The following STK36 variants were observed in gnomAD, a reference collection of about 807,000 sequenced individuals.
The protein encoded by STK36 is serine/threonine-protein kinase 36.
In STK36, 116 loss-of-function variants were observed where a neutral mutation model predicts 142.2. That is an observed-to-expected ratio of 0.82 (90% CI 0.70 to 0.95). STK36 has a LOEUF of 0.95. Ranked by LOEUF, STK36 falls within the 40% of genes least tolerant of loss-of-function variation. The pLI, the probability that STK36 is intolerant of heterozygous loss-of-function variation, is 0.00. For synonymous variants in STK36, 619 were observed against 641.7 expected (o/e 0.96, Z 0.53); for missense variants, 1,422 against 1,617.2 (o/e 0.88, Z 2.07).
At position 218,679,643 on chromosome 2, in the gene STK36, C is replaced by G; in HGVS notation, c.862C>G (p.Gln288Glu). 1.2e-6 allele frequency: 2 copies of G among 1,614,210 alleles called. No individual in the cohort carries two copies. Among genetic ancestry groups the G allele is most frequent in the South Asian group, 2.2e-5 (2 of 91,090 alleles). The change falls in exon 8 of 27, where the codon CAG (glutamine) becomes GAG (glutamate). Residue 288 changes from glutamine (Q) to glutamate (E), a missense_variant. By Grantham distance (29) the Gln-to-Glu change is conservative. This residue lies in a region of STK36 where 460 missense variants were observed against 449.6 expected (regional missense o/e 1.02). Transcript: ENST00000295709. ...PPELQVLKDEQAHRLAPKGNQ... is the reference protein window; with the variant it reads ...PPELQVLKDEEAHRLAPKGNQ... ...AGAACTTCAGGTCCTAAAGGACGAA[C>G]AGGCCCATCGGTTGGCCCCCAAGGG... is the stretch of plus-strand genomic sequence containing the variant.
chr2:218,675,520 CTTTTTTTTTTT>C (rs33970984), intron 5 of STK36, 47 bp downstream of exon 5: 8 of 1,148,306 alleles, frequency 7.0e-6, no homozygotes, highest in African/African-American at 4.0e-5. Context: ...CACACGGAAT[CTTTTTTTTTTT>C]TTTTTTTTTT....
chr2:218,675,518 A>ATTT, intron 5 of STK36, 45 bp downstream of exon 5: 1 of 1,481,384 alleles, frequency 6.8e-7, no homozygotes, highest in Non-Finnish European at 9.0e-7. Flanking sequence ...TCCACACGGA[A>ATTT]TCTTTTTTTT....
chr2:218,695,817 A>G (rs1314981029), intron 21 of STK36, among the ~76,000 whole-genome samples: 1 of 142,260 alleles, frequency 7.0e-6, no homozygotes, highest in Non-Finnish European at 1.5e-5. Flanking sequence ...GGATTACAGG[A>G]ATGAGCCACT....
intron 6 of STK36, among the ~76,000 whole-genome samples, chr2:218,676,634 T>TA (rs1171487009): frequency 1.3e-5 from 2 of 149,740 alleles, no homozygotes; most frequent in African/African-American, 4.9e-5. Flanking sequence ...TTTTTTTTTT[T>TA]GAGACACAGT....
chr2:218,676,495 T>C (rs981701125), intron 6 of STK36, among the ~76,000 whole-genome samples: 3 of 151,968 alleles, frequency 2.0e-5, no homozygotes, highest in Non-Finnish European at 4.4e-5. Flanking sequence ...CTCCATAGCC[T>C]GTACAGGAAG....
In STK36 at chr2:218,694,809, C is replaced by T. The variant is rs1941162678; in HGVS notation, c.2511+174C>T. 6.6e-6 allele frequency among the ~76,000 whole-genome samples: 1 copy of T among 152,206 alleles called. No individual in the cohort carries two copies. The highest frequency in any genetic ancestry group is 2.1e-4 in the South Asian group (1 of 4,832). Reference sequence around the variant, plus strand: ...TCGCCGGATGATAGGCCCCTCTGAGCCCAGATTGATCTGGACTTTAGATTT... The same window carrying T: ...TCGCCGGATGATAGGCCCCTCTGAGTCCAGATTGATCTGGACTTTAGATTT... On this transcript the variant is annotated intron_variant, in intron 21 of 26. Transcript: ENST00000295709. This position sits in a 1 kb window ranked among gnomAD's most constrained non-coding sequence, Gnocchi z 4.4.
chr2:218,683,649 T>C (rs1313936394), intron 10 of STK36, among the ~76,000 whole-genome samples: 1 of 152,190 alleles, frequency 6.6e-6, no homozygotes. Context: ...GTTAGTTACA[T>C]ATGTATACAT....
chr2:218,685,028 T>G (rs1940714719), intron 10 of STK36, 57 bp from the exon 11 acceptor site: 1 of 1,602,654 alleles, frequency 6.2e-7, no homozygotes, highest in Admixed American at 1.7e-5. Flanking sequence ...CTGGTTGGGA[T>G]CTACTACCTT....
chr2:218,678,885 CCTT>C (rs1172041641), intron 6 of STK36, among the ~76,000 whole-genome samples: 2 of 152,262 alleles, frequency 1.3e-5, no homozygotes, highest in East Asian at 3.9e-4. Flanking sequence ...GTTTTTTCTC[CCTT>C]CTTTACAAAG....
intron 6 of STK36, among the ~76,000 whole-genome samples, chr2:218,676,619 CTTT>C (rs779049295): frequency 7.9e-6 from 1 of 126,100 alleles, no homozygotes; most frequent in Non-Finnish European, 1.7e-5. Flanking sequence ...GTGCTACACG[CTTT>C]TTTTTTTTTT....
chr2:218,693,388 C>G, intron 17 of STK36, 44 bp downstream of exon 17: 1 of 1,548,630 alleles, frequency 6.5e-7, no homozygotes, highest in Middle Eastern at 1.7e-4. Context: ...TTTTTAACTC[C>G]CAGTGCAGAC....
intron 11 of STK36, among the ~76,000 whole-genome samples, chr2:218,685,774 A>C (rs1940749478): frequency 1.3e-5 from 2 of 152,304 alleles, no homozygotes; most frequent in Admixed American, 6.5e-5. Context: ...GTACTCGCCA[A>C]ACTGTGTTGC....
At chr2:218,675,929 G>A in intron 5 of STK36, 100 bp from the exon 6 acceptor site, 2 of 1,469,726 alleles carry the variant, frequency 1.4e-6, no homozygotes, top group Non-Finnish European at 1.9e-6. Context: ...AATCAAAGGT[G>A]CTCCCTCTGC....
At chr2:218,689,366 C>T (rs1226366058) in intron 12 of STK36, among the ~76,000 whole-genome samples, 2 of 152,162 alleles carry the variant, frequency 1.3e-5, no homozygotes, top group African/African-American at 4.8e-5. Flanking sequence ...CATACACAGT[C>T]ACTAATTTGT....
intron 21 of STK36, among the ~76,000 whole-genome samples, chr2:218,695,966 C>T (rs551317872): frequency 1.4e-5 from 2 of 148,080 alleles, no homozygotes; most frequent in South Asian, 2.1e-4. Context: ...TGGGTTCAAG[C>T]GATTCTCCTG....
At chr2:218,674,757 T>A (rs968412228) in intron 4 of STK36, among the ~76,000 whole-genome samples, 1 of 152,112 alleles carries the variant, frequency 6.6e-6, no homozygotes, top group African/African-American at 2.4e-5. Flanking sequence ...TGCGCCACCA[T>A]GCCTAGCTAA....
intron 12 of STK36, 57 bp downstream of exon 12, chr2:218,688,933 A>G: frequency 3.4e-6 from 5 of 1,487,456 alleles, no homozygotes; most frequent in East Asian, 4.8e-5. Flanking sequence ...TCTTGGATTT[A>G]TCTCATTCAG....
At chr2:218,686,794 T>G (rs1383868488) in intron 11 of STK36, among the ~76,000 whole-genome samples, 1 of 152,250 alleles carries the variant, frequency 6.6e-6, no homozygotes, top group Non-Finnish European at 1.5e-5. Flanking sequence ...GGAGTAGAAT[T>G]GCTGGTCATA....
At chr2:218,690,012 A>G in intron 13 of STK36, 56 bp downstream of exon 13, 1 of 1,487,908 alleles carries the variant, frequency 6.7e-7, no homozygotes, top group Non-Finnish European at 9.2e-7. Context: ...TTTCTACCCC[A>G]AGTGCCCTTC....
Sources: gnomAD v4.1 joint callset for allele counts (sites outside exome capture counted in the v4.1 genomes callset) on GRCh38, gnomAD v4.1.1 for gene constraint, gnomAD v4.1.1 regional missense constraint, Gnocchi (gnomAD v3.1) non-coding constraint, MANE v1.5 for transcripts, NCBI Gene and HGNC (gene_info 2026-07-23, HGNC 2026-07-21) for gene names.